The following ATP6V1A variants were observed in gnomAD, a reference collection of about 807,000 sequenced individuals.
ATP6V1A encodes ATPase H+ transporting V1 subunit A, also known as V-type proton ATPase catalytic subunit A.
ATP6V1A carries 18 observed loss-of-function variants against 70.1 expected under a neutral mutation model. The observed-to-expected ratio is 0.26, with a 90% CI of 0.18 to 0.38. The LOEUF (loss-of-function observed/expected upper bound fraction) is 0.38, where lower values mean the gene tolerates loss of function less well. Ranked by LOEUF, ATP6V1A falls within the 10% of genes least tolerant of loss-of-function variation. The probability of loss-of-function intolerance (pLI) is 1.00; values close to 1 mark genes in which losing one functional copy is unlikely to be tolerated. For synonymous variants in ATP6V1A, 232 were observed against 253.8 expected (o/e 0.91, Z 0.82); for missense variants, 424 against 772.4 (o/e 0.55, Z 5.35).
Position 113,805,288 on chromosome 3 carries a change from T to C in ATP6V1A, c.1590-66T>C, listed in dbSNP as rs997294265. On this transcript the variant is annotated intron_variant, in intron 13 of 14. Coordinates refer to ENST00000273398, the MANE Select transcript of ATP6V1A (RefSeq NM_001690.4). ...AAAGAAACTAATGCTCTAGTAGTTT[T>C]ATATAAAGTATGAACCTGTTTTGGA... 6 of 1,469,532 alleles carry C rather than the reference T, an allele frequency of 4.1e-6. No individual in the cohort carries two copies. In the South Asian group the frequency reaches 6.0e-5, roughly 15 times the overall value. The allele number at this position is 1,469,532 out of a possible 1,614,324, so 91.0% of individuals were successfully genotyped here.
chr3:113,798,694 A>C (rs1461338737), intron 12 of ATP6V1A, among the ~76,000 whole-genome samples: 2 of 152,342 alleles, frequency 1.3e-5, no homozygotes, highest in Non-Finnish European at 2.9e-5. Flanking sequence ...AATTAGAGGT[A>C]GTAGATTTAG....
intron 1 of ATP6V1A, among the ~76,000 whole-genome samples, chr3:113,777,362 G>A (rs558318308): frequency 3.9e-5 from 6 of 152,278 alleles, no homozygotes; most frequent in Middle Eastern, 3.4e-3. Context: ...TTGTTACATT[G>A]TGAAAAGTGC....
chr3:113,808,333 C>T (rs1424757374), intron 14 of ATP6V1A, among the ~76,000 whole-genome samples: 2 of 120,882 alleles, frequency 1.7e-5, no homozygotes, highest in East Asian at 5.8e-4. Context: ...CACTCTGTCA[C>T]TAGGCTGGAG....
At chr3:113,758,765 G>A (rs1267794144) in intron 1 of ATP6V1A, among the ~76,000 whole-genome samples, 1 of 152,174 alleles carries the variant, frequency 6.6e-6, no homozygotes, top group African/African-American at 2.4e-5. Context: ...TTCCAAAGTG[G>A]TTGTACCATT....
At chr3:113,766,829 A>G (rs772032029) in intron 1 of ATP6V1A, among the ~76,000 whole-genome samples, 16 of 152,184 alleles carry the variant, frequency 1.1e-4, no homozygotes, top group Non-Finnish European at 1.9e-4. Context: ...CAAAACAGCA[A>G]TTACTTTTGC....
chr3:113,805,255 A>G (rs1015089038), intron 13 of ATP6V1A, 99 bp from the exon 14 acceptor site: 3 of 1,187,586 alleles, frequency 2.5e-6, no homozygotes, highest in Non-Finnish European at 3.6e-6. Context: ...CAATCTGCAT[A>G]CTTAGATAAA....
At chr3:113,774,722 A>G (rs757068239) in intron 1 of ATP6V1A, among the ~76,000 whole-genome samples, 3 of 152,080 alleles carry the variant, frequency 2.0e-5, no homozygotes, top group Non-Finnish European at 4.4e-5. Context: ...CTGAGGCACA[A>G]GAATCGCTTG....
chr3:113,755,031 AT>A (rs1225341616), intron 1 of ATP6V1A, among the ~76,000 whole-genome samples: 4 of 152,126 alleles, frequency 2.6e-5, no homozygotes, highest in African/African-American at 9.7e-5. Flanking sequence ...ATGTGCTTTA[AT>A]GTAAGCTGTC....
Position 113,778,735 on chromosome 3 carries a change from C to G in ATP6V1A, c.-13-6C>G, listed in dbSNP as rs747443999. On this transcript the variant is annotated splice_polypyrimidine_tract_variant and splice_region_variant and intron_variant, in intron 1 of 14. Coordinates refer to ENST00000273398, the MANE Select transcript of ATP6V1A (RefSeq NM_001690.4). ...TATAACTTATTTATTTATTTATTTA[C>G]TATAGGTAAACTAACATTATGGATT... 6 of 1,497,530 alleles carry G rather than the reference C, an allele frequency of 4.0e-6. No homozygotes were observed. The highest frequency in any genetic ancestry group is 5.4e-6 in the Non-Finnish European group (6 of 1,102,794). 92.8% of individuals were successfully genotyped at this position (1,497,530 alleles called of 1,614,324 possible).
rs138190822 is a variant in ATP6V1A at position 113,785,682 on chromosome 3, T to C, written c.565-550T>C. Among the ~76,000 whole-genome samples the C allele has an allele frequency of 9.6e-3, 1,440 of 150,422 alleles. 18 individuals are homozygous for C. Among genetic ancestry groups the C allele is most frequent in the African/African-American group, 0.033 (1,344 of 41,036 alleles). On this transcript the variant is annotated intron_variant, in intron 5 of 14. Coordinates refer to ENST00000273398, the MANE Select transcript of ATP6V1A (RefSeq NM_001690.4). ...TGCCACCATGCCCAGTTAATTTTTT[T>C]TTTTTGAGATGGACTCTTGCTCTGT... is the stretch of plus-strand genomic sequence containing the variant.
In ATP6V1A at chr3:113,810,846, CT is replaced by C. The variant is rs1395760164; in HGVS notation, c.*1422del. 4 of 152,152 alleles carry C rather than the reference CT, an allele frequency of 2.6e-5. No individual in the cohort carries two copies. Among genetic ancestry groups the C allele is most frequent in the African/African-American group, 9.7e-5 (4 of 41,416 alleles). The allele number at this position is 152,152 out of a possible 1,614,324, so 9.4% of individuals were successfully genotyped here. On this transcript the variant is annotated 3_prime_UTR_variant, in exon 15 of 15. Transcript: ENST00000273398. Reference sequence around the variant, plus strand: ...AGTTGACCAATCATAGAAAGTATTACTTTCTTTCATATGGTTTTTGGTTCAC... The same window carrying C: ...AGTTGACCAATCATAGAAAGTATTACTTCTTTCATATGGTTTTTGGTTCAC...
rs376415408 is a variant in ATP6V1A, at chr3:113,803,746, TAAA to T, written c.1589+72_1589+74del. On this transcript the variant is annotated intron_variant, in intron 13 of 14. Coordinates refer to ENST00000273398, the MANE Select transcript of ATP6V1A (RefSeq NM_001690.4). ...TGTGTTTTGGTGAAGGAGTACACATTAAAAACCCTTTTTTATTCTCATACAGGC... is the reference window on the plus strand; with the variant it reads ...TGTGTTTTGGTGAAGGAGTACACATTAACCCTTTTTTATTCTCATACAGGC... The T allele has an allele frequency of 6.1e-3, 7,588 of 1,236,006 alleles. 211 individuals are homozygous for T. Among genetic ancestry groups the T allele is most frequent in the South Asian group, 0.056 (4,242 of 76,014 alleles). 76.6% of individuals were successfully genotyped at this position (1,236,006 alleles called of 1,614,324 possible).
rs63484660 is a variant in ATP6V1A at position 113,786,057 on chromosome 3, TA to T, written c.565-161del. The stretch of plus-strand genomic sequence containing the variant: ...TAAAAAAGTAATAAATGCACCAGGT[TA>T]AAAAAAAAAAAAAGCTAAGACTATA... On this transcript the variant is annotated intron_variant, in intron 5 of 14. Coordinates refer to ENST00000273398, the MANE Select transcript of ATP6V1A (RefSeq NM_001690.4). 0.034 allele frequency among the ~76,000 whole-genome samples: 4,472 copies of T among 132,830 alleles called. 105 individuals carry two copies. The highest frequency in any genetic ancestry group is 0.075 in the South Asian group (314 of 4,208). The allele number at this position is 132,830 out of a possible 152,430, so 87.1% of individuals were successfully genotyped here. A position where few individuals can be genotyped will look rare whatever the true frequency, so the allele number is the denominator to read the frequency against.
rs755526311 is a variant in ATP6V1A at position 113,803,574 on chromosome 3, C to G, written c.1495-9C>G. On this transcript the variant is annotated splice_polypyrimidine_tract_variant and intron_variant, in intron 12 of 14. Transcript: ENST00000273398. ...AGTAAATGTCTAAAAATATCTTTTT[C>G]TCTTCTAGGCTTCTTTGGCAGAAAC... 1 of 1,580,760 alleles carries G rather than the reference C, an allele frequency of 6.3e-7. No homozygotes were observed.
intron 13 of ATP6V1A, 52 bp downstream of exon 13, chr3:113,803,729 G>C (rs555401168): frequency 7.0e-7 from 1 of 1,428,980 alleles, no homozygotes; most frequent in East Asian, 2.3e-5. Context: ...GTTGTGTTTT[G>C]GTGAAGGAGT....
At chr3:113,805,231 A>G in intron 13 of ATP6V1A, 123 bp from the exon 14 acceptor site, 2 of 964,198 alleles carry the variant, frequency 2.1e-6, no homozygotes, top group Admixed American at 2.9e-5. Flanking sequence ...CTTAGGTATC[A>G]TCTAATAAAT....
At chr3:113,757,707 A>G (rs1264249739) in intron 1 of ATP6V1A, among the ~76,000 whole-genome samples, 1 of 152,248 alleles carries the variant, frequency 6.6e-6, no homozygotes, top group Non-Finnish European at 1.5e-5. Flanking sequence ...GTGCCCACAC[A>G]GCCTTATCCA....
chr3:113,764,826 C>T (rs1039950730), intron 1 of ATP6V1A, among the ~76,000 whole-genome samples: 11 of 151,810 alleles, frequency 7.2e-5, no homozygotes, highest in Non-Finnish European at 1.3e-4. Flanking sequence ...AATCCCAGCA[C>T]TGTAATCATG....
Position 113,800,321 on chromosome 3 carries a change from C to A in ATP6V1A, c.1494+1875C>A, listed in dbSNP as rs117380927. 4.4e-3 allele frequency among the ~76,000 whole-genome samples: 671 copies of A among 151,684 alleles called. 26 individuals carry two copies. The East Asian group carries it at 0.098, about 22-fold the overall frequency. ...ATTCATTTGATTTCACCAAGATTCA[C>A]AACCTTAAATAAGAATAGTAAAGTG... On this transcript the variant is annotated intron_variant, in intron 12 of 14. Transcript: ENST00000273398.
Sources: gnomAD v4.1 joint callset for allele counts (sites outside exome capture counted in the v4.1 genomes callset) on GRCh38, gnomAD v4.1.1 for gene constraint, MANE v1.5 for transcripts, NCBI Gene and HGNC (gene_info 2026-07-23, HGNC 2026-07-21) for gene names.